Variants in CLIC6 observed in about 807,000 individuals in gnomAD.
CLIC6 encodes the protein chloride intracellular channel protein 6.
A neutral mutation model predicts 49.2 loss-of-function variants in CLIC6; 39 were observed. The observed-to-expected ratio is 0.79, with a 90% CI of 0.61 to 1.04. The LOEUF is 1.04. CLIC6 is among the 50% of genes least tolerant of loss of function. CLIC6 has a pLI of 0.00. For synonymous variants in CLIC6, 446 were observed against 433.4 expected (o/e 1.03, Z -0.36); for missense variants, 988 against 993.1 (o/e 0.99, Z 0.07).
chr21:34,673,514 C>T (rs577785256), intron 1 of CLIC6, among the ~76,000 whole-genome samples: 1 of 152,290 alleles, frequency 6.6e-6, no homozygotes, highest in East Asian at 1.9e-4. Flanking sequence ...TGGTCTCAAA[C>T]TCCTGACCTC....
chr21:34,707,338 T>A lies in CLIC6; in HGVS notation c.1433T>A (p.Ile478Asn). Residue 478 changes from isoleucine (I) to asparagine (N), a missense_variant, in exon 2 of 6, where the codon ATT becomes AAT. Ile to Asn is a moderately radical substitution (Grantham distance 149). Around this residue, in one of 3 missense-constraint regions of CLIC6, gnomAD observed 647 missense variants for 596.9 expected, o/e 1.08. Transcript: ENST00000349499. ...CCGTTTTCTCAGCGTCTCTTTATGA[T>A]TCTCTGGCTGAAAGGCGTTATATTT... Reference protein sequence around the residue: ...NCPFSQRLFMILWLKGVIFNV... With the variant: ...NCPFSQRLFMNLWLKGVIFNV... 6.2e-7 allele frequency: 1 copy of A among 1,613,994 alleles called. No individual in the cohort carries two copies. Among genetic ancestry groups the A allele is most frequent in the Non-Finnish European group, 8.5e-7 (1 of 1,179,996 alleles).
chr21:34,675,339 C>T (rs983330650), intron 1 of CLIC6, among the ~76,000 whole-genome samples: 8 of 151,472 alleles, frequency 5.3e-5, no homozygotes, highest in African/African-American at 1.9e-4. Context: ...CTGATGGACT[C>T]CTGGTAGAAC....
intron 1 of CLIC6, among the ~76,000 whole-genome samples, chr21:34,675,326 C>T (rs368919874): frequency 8.6e-5 from 13 of 150,698 alleles, no homozygotes; most frequent in African/African-American, 3.2e-4. Flanking sequence ...CCAGGACCAG[C>T]GTCTGATGGA....
At chr21:34,704,864 G>A (rs374240840) in intron 1 of CLIC6, among the ~76,000 whole-genome samples, 3 of 152,108 alleles carry the variant, frequency 2.0e-5, no homozygotes, top group African/African-American at 2.4e-5. Flanking sequence ...GGAGAGCCCC[G>A]TGCAATATAA....
rs75433027 is a variant in CLIC6 at position 34,716,900 on chromosome 21, A to ACACACACACACACACAC, written c.*418_*419insCACACACACACACACAC. 6.8e-6 allele frequency: 1 copy of ACACACACACACACACAC among 147,016 alleles called. No individual in the cohort carries two copies. The highest frequency in any genetic ancestry group is 2.6e-5 in the African/African-American group (1 of 38,336). The allele number at this position is 147,016 out of a possible 1,614,324, so 9.1% of individuals were successfully genotyped here. The stretch of plus-strand genomic sequence containing the variant: ...CACACACACACACACACACACACAC[A>ACACACACACACACACAC]ATTTCATTCATATATGGTATTGCAT... On this transcript the variant is annotated 3_prime_UTR_variant, in exon 6 of 6. Coordinates refer to ENST00000349499, the MANE Select transcript of CLIC6 (RefSeq NM_053277.3).
chr21:34,709,696 C>T (rs2056042685), intron 5 of CLIC6, among the ~76,000 whole-genome samples, 158 bp downstream of exon 5: 1 of 152,216 alleles, frequency 6.6e-6, no homozygotes, highest in Admixed American at 6.5e-5. Flanking sequence ...CCCCAGCTTT[C>T]ACACACACAG....
At chr21:34,672,617 A>C (rs956685521) in intron 1 of CLIC6, among the ~76,000 whole-genome samples, 1 of 152,154 alleles carries the variant, frequency 6.6e-6, no homozygotes, top group Non-Finnish European at 1.5e-5. Flanking sequence ...TGTGAAATTC[A>C]TCATTCTATC....
intron 1 of CLIC6, among the ~76,000 whole-genome samples, chr21:34,699,420 T>C (rs1474095895): frequency 6.6e-6 from 1 of 150,426 alleles, no homozygotes; most frequent in Non-Finnish European, 1.5e-5. Flanking sequence ...CCTGGCTTTT[T>C]TTTTTTTTTT....
intron 1 of CLIC6, among the ~76,000 whole-genome samples, chr21:34,673,217 G>T (rs1179974707): frequency 6.6e-6 from 1 of 151,852 alleles, no homozygotes; most frequent in Non-Finnish European, 1.5e-5. Flanking sequence ...TGATTGATCT[G>T]GTGCTCAGTT....
Position 34,670,642 on chromosome 21 carries a change from C to G in CLIC6, c.1254C>G (p.Ala418=). 1 of 1,554,996 alleles carries G rather than the reference C, an allele frequency of 6.4e-7. No homozygotes were observed. The highest frequency in any genetic ancestry group is 8.7e-7 in the Non-Finnish European group (1 of 1,152,536). The part of the protein sequence containing the change: ...EPEAQLSNHL[A]EEGPAEGSGE... ...AGGCCCAGCTCAGCAACCACCTGGCCGAGGAGGGCCCCGCCGAGGGTAGCG... is the reference window on the plus strand; with the variant it reads ...AGGCCCAGCTCAGCAACCACCTGGCGGAGGAGGGCCCCGCCGAGGGTAGCG... Residue 418 remains alanine, a synonymous_variant, in exon 1 of 6, where the codon GCC becomes GCG. Transcript: ENST00000349499.
intron 2 of CLIC6, 26 bp downstream of exon 2, chr21:34,707,415 A>C (rs1004963752): frequency 3.8e-6 from 5 of 1,332,100 alleles, no homozygotes; most frequent in Non-Finnish European, 5.4e-6. Flanking sequence ...TGCCTTACTG[A>C]AATAACTGTA....
Position 34,715,805 on chromosome 21 carries a change from C to T in CLIC6, c.1900-516C>T, listed in dbSNP as rs189529184. On this transcript the variant is annotated intron_variant, in intron 5 of 5. Coordinates refer to ENST00000349499, the MANE Select transcript of CLIC6 (RefSeq NM_053277.3). ...TTCATGAATCTCTCCTCCGCACAGG[C>T]GGGCCCCACGATCAGACGATGCTCT... is the stretch of plus-strand genomic sequence containing the variant. 2.1e-3 allele frequency among the ~76,000 whole-genome samples: 327 copies of T among 152,320 alleles called. 2 individuals carry two copies. The highest frequency in any genetic ancestry group is 7.2e-3 in the African/African-American group (301 of 41,570).
At position 34,682,032 on chromosome 21, in the gene CLIC6, G is replaced by C. The variant is rs541434556; in HGVS notation, c.1374+11270G>C. Among the ~76,000 whole-genome samples, 5 of 152,244 alleles carry C rather than the reference G, an allele frequency of 3.3e-5. No individual in the cohort carries two copies. In the South Asian group the frequency reaches 1.0e-3, roughly 32 times the overall value. On this transcript the variant is annotated intron_variant, in intron 1 of 5. Coordinates refer to ENST00000349499, the MANE Select transcript of CLIC6 (RefSeq NM_053277.3). ...TCACATTCTTGTGAAAAATGTCATA[G>C]TATTCTGGTGATGTGTATACTCTAT... is the stretch of plus-strand genomic sequence containing the variant.
At chr21:34,708,584 G>T (rs1451026632) in intron 3 of CLIC6, 116 bp from the exon 4 acceptor site, 1 of 721,398 alleles carries the variant, frequency 1.4e-6, no homozygotes, top group Non-Finnish European at 2.4e-6. Flanking sequence ...TCAGGAAAAC[G>T]TTGAAGGAAA....
intron 1 of CLIC6, among the ~76,000 whole-genome samples, chr21:34,699,473 A>G (rs938881641): frequency 1.2e-4 from 17 of 145,554 alleles, no homozygotes; most frequent in Non-Finnish European, 2.2e-4. Context: ...CATGTTGCCC[A>G]GGGTGGTCTT....
chr21:34,693,975 C>CT (rs71196904), intron 1 of CLIC6, among the ~76,000 whole-genome samples: 36,312 of 124,462 alleles, frequency 0.29, 5,996 homozygotes, highest in African/African-American at 0.35. Flanking sequence ...TTGTTGTTTT[C>CT]TTTTTTTTTT....
At chr21:34,688,866 C>T (rs995437611) in intron 1 of CLIC6, among the ~76,000 whole-genome samples, 5 of 152,180 alleles carry the variant, frequency 3.3e-5, no homozygotes, top group Admixed American at 6.5e-5. Context: ...GTCAAAATTT[C>T]CCCCAAAGAA....
chr21:34,701,737 A>C (rs899485062), intron 1 of CLIC6, among the ~76,000 whole-genome samples: 16 of 152,216 alleles, frequency 1.1e-4, no homozygotes, highest in African/African-American at 3.9e-4. Context: ...CTGAAAAGGG[A>C]AATTTCAACT....
intron 1 of CLIC6, among the ~76,000 whole-genome samples, chr21:34,689,003 C>A (rs144611832): frequency 6.6e-6 from 1 of 152,268 alleles, no homozygotes; most frequent in African/African-American, 2.4e-5. Context: ...TCTCAGGGCA[C>A]CTTTGTGAAG....
Sources: gnomAD v4.1 joint callset for allele counts (sites outside exome capture counted in the v4.1 genomes callset) on GRCh38, gnomAD v4.1.1 for gene constraint, gnomAD v4.1.1 regional missense constraint, MANE v1.5 for transcripts, NCBI Gene and HGNC (gene_info 2026-07-23, HGNC 2026-07-21) for gene names.